Variants in ABCC4 observed in about 807,000 individuals in gnomAD.
The protein encoded by ABCC4 is ATP-binding cassette sub-family C member 4.
Under a neutral mutation model 168.5 loss-of-function variants are expected in ABCC4, and 102 were observed. That is an observed-to-expected ratio of 0.61 (90% CI 0.52 to 0.71). ABCC4 has a LOEUF of 0.71. Ranked by LOEUF, ABCC4 falls within the 30% of genes least tolerant of loss-of-function variation. The pLI is 0.00. For missense variants in ABCC4, 1,402 were observed against 1,605.8 expected, an observed-to-expected ratio of 0.87 and a Z score of 2.17; for synonymous variants, 617 against 590.7, an observed-to-expected ratio of 1.04 and a Z score of -0.65.
At chr13:95,033,942 T>G (rs868209387) in intron 30 of ABCC4, among the ~76,000 whole-genome samples, 2 of 152,202 alleles carry the variant, frequency 1.3e-5, no homozygotes, top group Non-Finnish European at 2.9e-5. Flanking sequence ...ATTACAGGCA[T>G]GAACCACCAC....
At chr13:95,260,109 G>T (rs2040495062) in intron 1 of ABCC4, among the ~76,000 whole-genome samples, 1 of 152,166 alleles carries the variant, frequency 6.6e-6, no homozygotes, top group Non-Finnish European at 1.5e-5. Flanking sequence ...ATCTTCTGAT[G>T]TTCTCCAGGT....
intron 20 of ABCC4, among the ~76,000 whole-genome samples, chr13:95,098,135 A>T (rs979818721): frequency 2.0e-4 from 8 of 40,000 alleles, no homozygotes; most frequent in African/African-American, 8.3e-4. Flanking sequence ...GATACTGTCT[A>T]AAAAAAAAAA....
intron 8 of ABCC4, among the ~76,000 whole-genome samples, chr13:95,201,371 A>C (rs1366984452): frequency 6.6e-6 from 1 of 152,068 alleles, no homozygotes; most frequent in Non-Finnish European, 1.5e-5. Context: ...TTCATGCCAC[A>C]CTCTCTGATG....
intron 30 of ABCC4, among the ~76,000 whole-genome samples, chr13:95,027,024 G>T (rs2031584566): frequency 6.6e-6 from 1 of 152,158 alleles, no homozygotes; most frequent in African/African-American, 2.4e-5. Flanking sequence ...GTGAAAGAAG[G>T]TGTGACCCAA....
rs192572317 is a variant in ABCC4, at chr13:95,201,590, G to A, written c.1161+4942C>T. Among the ~76,000 whole-genome samples the A allele has an allele frequency of 4.6e-3, 708 of 152,328 alleles. 4 individuals are homozygous for A. The highest frequency in any genetic ancestry group is 0.014 in the Middle Eastern group (4 of 294). On this transcript the variant is annotated intron_variant, in intron 8 of 30. Coordinates refer to ENST00000645237, the MANE Select transcript of ABCC4 (RefSeq NM_005845.5). ...TAAGTTTAGAGTTTAGGAAGGGAAA[G>A]AAATCTATAAACAAATGGCTTCAAT...
intron 13 of ABCC4, among the ~76,000 whole-genome samples, chr13:95,173,907 A>T (rs552714683): frequency 6.6e-6 from 1 of 152,350 alleles, no homozygotes; most frequent in East Asian, 1.9e-4. Flanking sequence ...TATGAACCAG[A>T]GCGTGAGCCC....
chr13:95,080,752 T>A (rs938223555), intron 21 of ABCC4, among the ~76,000 whole-genome samples: 1 of 152,148 alleles, frequency 6.6e-6, no homozygotes, highest in African/African-American at 2.4e-5. Flanking sequence ...GGATTACAGG[T>A]GTGAGCCAAT....
chr13:95,138,632 TG>T (rs1415490739), intron 19 of ABCC4, among the ~76,000 whole-genome samples: 1 of 152,004 alleles, frequency 6.6e-6, no homozygotes. Context: ...AAGACCAGCC[TG>T]GGAAAAATCG....
chr13:95,201,069 C>G (rs1046937641), intron 8 of ABCC4, among the ~76,000 whole-genome samples: 3 of 152,196 alleles, frequency 2.0e-5, no homozygotes, highest in Non-Finnish European at 4.4e-5. Context: ...GGCCCACCCT[C>G]CCACCAGAAA....
At chr13:95,153,470 A>C (rs1229633244) in intron 19 of ABCC4, among the ~76,000 whole-genome samples, 1 of 152,042 alleles carries the variant, frequency 6.6e-6, no homozygotes, top group East Asian at 1.9e-4. Flanking sequence ...ATCGAGAGAG[A>C]CAGAGAGAGA....
intron 19 of ABCC4, among the ~76,000 whole-genome samples, chr13:95,146,370 T>C (rs1185882734): frequency 6.6e-6 from 1 of 152,188 alleles, no homozygotes; most frequent in African/African-American, 2.4e-5. Flanking sequence ...AATCTACTCA[T>C]GTAACAAACC....
chr13:95,236,778 T>C (rs2039785708), intron 3 of ABCC4, among the ~76,000 whole-genome samples: 1 of 152,188 alleles, frequency 6.6e-6, no homozygotes, highest in South Asian at 2.1e-4. Context: ...ATTTCCAGCA[T>C]GGCCAATCAT....
rs35464540 is a variant in ABCC4 at position 95,110,985 on chromosome 13, GAA to G, written c.2535+4935_2535+4936del. ...CCTGTTTCAGAAAAAAAAAAAGAAA[GAA>G]AAAAAAAAAAAAAACCACAGAAAAA... On this transcript the variant is annotated intron_variant, in intron 20 of 30. Coordinates refer to ENST00000645237, the MANE Select transcript of ABCC4 (RefSeq NM_005845.5). Among the ~76,000 whole-genome samples, 604 of 123,272 alleles carry G rather than the reference GAA, an allele frequency of 4.9e-3. 3 individuals carry two copies. Among genetic ancestry groups the G allele is most frequent in the African/African-American group, 0.014 (458 of 31,898 alleles). 80.9% of individuals were successfully genotyped at this position (123,272 alleles called of 152,430 possible). A position where few individuals can be genotyped will look rare whatever the true frequency, so the allele number is the denominator to read the frequency against.
chr13:95,140,276 G>C (rs1476881985), intron 19 of ABCC4, among the ~76,000 whole-genome samples: 1 of 152,138 alleles, frequency 6.6e-6, no homozygotes, highest in African/African-American at 2.4e-5. Flanking sequence ...GCACTTCATG[G>C]ACTCGGCATA....
chr13:95,217,850 T>G (rs986470850), intron 4 of ABCC4, among the ~76,000 whole-genome samples: 2 of 152,200 alleles, frequency 1.3e-5, no homozygotes, highest in Non-Finnish European at 2.9e-5. Context: ...TGGACAGGGA[T>G]GCTCCTCTCA....
intron 1 of ABCC4, among the ~76,000 whole-genome samples, chr13:95,285,321 C>T (rs1052332233): frequency 2.0e-5 from 3 of 151,992 alleles, no homozygotes; most frequent in East Asian, 3.9e-4. Context: ...GAGGCTGAGG[C>T]GGGAGGATCA....
intron 8 of ABCC4, among the ~76,000 whole-genome samples, chr13:95,203,717 G>C (rs998569297): frequency 6.6e-6 from 1 of 151,930 alleles, no homozygotes; most frequent in African/African-American, 2.4e-5. Context: ...GGTCCACCAA[G>C]TCCAAGAGGG....
At position 95,301,111 on chromosome 13, in the gene ABCC4, C is replaced by A. The variant is rs2041667904; in HGVS notation, c.74+130G>T. 7.1e-6 allele frequency: 6 copies of A among 844,326 alleles called. No homozygotes were observed. In the South Asian group the frequency reaches 1.2e-4, roughly 16 times the overall value. 52.3% of individuals were successfully genotyped at this position (844,326 alleles called of 1,614,324 possible). A position where few individuals can be genotyped will look rare whatever the true frequency, so the allele number is the denominator to read the frequency against. ...CAGCAGAAAGCCCCGGCGTGGACCG[C>A]GTGGCGTAGGAAAGCGCTCCCCTCG... On this transcript the variant is annotated intron_variant, in intron 1 of 30. Transcript: ENST00000645237.
intron 20 of ABCC4, among the ~76,000 whole-genome samples, chr13:95,107,956 A>G (rs1431810999): frequency 6.6e-6 from 1 of 152,182 alleles, no homozygotes; most frequent in African/African-American, 2.4e-5. Flanking sequence ...AGAAAGAAAG[A>G]AAAGAAAATC....
Sources: gnomAD v4.1 joint callset for allele counts (sites outside exome capture counted in the v4.1 genomes callset) on GRCh38, gnomAD v4.1.1 for gene constraint, MANE v1.5 for transcripts, NCBI Gene and HGNC (gene_info 2026-07-23, HGNC 2026-07-21) for gene names.